Variants in NCOR2 observed in about 807,000 individuals in gnomAD.
The protein encoded by NCOR2 is CTG repeat protein 26.
In NCOR2, 81 loss-of-function variants were observed where a neutral mutation model predicts 262.9. The ratio of observed to expected loss-of-function variants is 0.31; its 90% confidence interval spans 0.26 to 0.37. The LOEUF is 0.37. Among genes scored for constraint, NCOR2 ranks in the 10% least tolerant of loss-of-function variants. The pLI is 1.00. For synonymous variants in NCOR2, 1,659 were observed against 1,559.3 expected (o/e 1.06, Z -1.51); for missense variants, 3,385 against 3,621.4 (o/e 0.93, Z 1.68).
chr12:124,387,339 C>T (rs983790657), intron 16 of NCOR2, among the ~76,000 whole-genome samples: 11 of 151,920 alleles, frequency 7.2e-5, no homozygotes, highest in African/African-American at 2.4e-4. Context: ...GCCCGTGGCA[C>T]GGCTAACTGA....
intron 1 of NCOR2, among the ~76,000 whole-genome samples, chr12:124,543,602 C>T (rs117013704): frequency 0.047 from 7,140 of 152,338 alleles, 243 homozygotes; most frequent in Middle Eastern, 0.082. Context: ...CCCCTCTCCT[C>T]GCTGCGGGGT....
chr12:124,437,208 C>T (rs944198108), intron 8 of NCOR2, among the ~76,000 whole-genome samples: 5 of 152,256 alleles, frequency 3.3e-5, no homozygotes, highest in African/African-American at 1.2e-4. Context: ...TTTCCAGCTA[C>T]AGCCATTCCT....
upstream of NCOR2, chr12:124,495,278 T>TGAA (rs779625512): frequency 3.7e-6 from 6 of 1,602,498 alleles, no homozygotes; most frequent in Non-Finnish European, 4.3e-6. The surrounding 1 kb of genome is among the most constrained non-coding windows in gnomAD (Gnocchi z 4.4). Flanking sequence ...GGGGAGCTGC[T>TGAA]CCCAGGCCCC....
At chr12:124,499,759 A>G (rs2048592563), upstream of NCOR2, among the ~76,000 whole-genome samples, 1 of 152,168 alleles carries the variant, frequency 6.6e-6, no homozygotes, top group Non-Finnish European at 1.5e-5. Context: ...TTTTGTTCTC[A>G]GGGCAGTGGG....
intron 38 of NCOR2, 100 bp downstream of exon 40, chr12:124,336,653 C>T: frequency 6.6e-7 from 1 of 1,518,890 alleles, no homozygotes; most frequent in South Asian, 1.3e-5. Flanking sequence ...GCGAGGGGAG[C>T]CGTTGGCCAG....
intron 31 of NCOR2, 72 bp from the exon 34 acceptor site, chr12:124,345,023 A>G (rs780276199): frequency 1.4e-4 from 185 of 1,350,012 alleles, no homozygotes; most frequent in Admixed American, 1.8e-4. Flanking sequence ...CCCCCTTCTG[A>G]GCCTCAAAAA....
exon 13 of NCOR2, chr12:124,419,989 T>G: frequency 6.2e-7 from 1 of 1,614,026 alleles, no homozygotes; most frequent in Non-Finnish European, 8.5e-7. Context: ...TAGCTCCGTC[T>G]CACCAGGCTC....
chr12:124,398,430 G>A (rs956461566), intron 15 of NCOR2, among the ~76,000 whole-genome samples: 5 of 152,212 alleles, frequency 3.3e-5, no homozygotes, highest in Non-Finnish European at 7.3e-5. Context: ...GCCGTTGGTC[G>A]GGGCCAACCT....
chr12:124,425,025 G>A (rs1167363465), intron 11 of NCOR2, among the ~76,000 whole-genome samples: 1 of 152,218 alleles, frequency 6.6e-6, no homozygotes, highest in African/African-American at 2.4e-5. Context: ...GCCACATGCA[G>A]CCCAGGACGG....
chr12:124,449,463 C>T (rs1172424372), intron 7 of NCOR2, among the ~76,000 whole-genome samples: 2 of 152,188 alleles, frequency 1.3e-5, no homozygotes, highest in African/African-American at 2.4e-5. Context: ...CTCCCTGAGC[C>T]GGCTGCCTTC....
rs2052242442 is a variant in NCOR2, at chr12:124,566,469, C to G, written c.-165+839G>C. 6.6e-6 allele frequency among the ~76,000 whole-genome samples: 1 copy of G among 152,214 alleles called. No homozygotes were observed. The highest frequency in any genetic ancestry group is 1.5e-5 in the Non-Finnish European group (1 of 68,024). ...GCCCTCCCGCCCTCGGCTTGCTCCTCCTGCAAGTGTCTGGGGCGGGGAGGG... is the reference window on the plus strand; with the variant it reads ...GCCCTCCCGCCCTCGGCTTGCTCCTGCTGCAAGTGTCTGGGGCGGGGAGGG... On this transcript the variant is annotated intron_variant, in intron 1 of 32. Coordinates refer to the NCOR2 transcript ENST00000458234. This position sits in a 1 kb window ranked among gnomAD's most constrained non-coding sequence, Gnocchi z 4.3.
At chr12:124,330,160 C>T (rs1035982632) in intron 44 of NCOR2, among the ~76,000 whole-genome samples, 2 of 152,238 alleles carry the variant, frequency 1.3e-5, no homozygotes, top group African/African-American at 4.8e-5. Flanking sequence ...CAGGCACCCA[C>T]ACAGAGGCAG....
intron 20 of NCOR2, among the ~76,000 whole-genome samples, chr12:124,369,078 T>C (rs1453275147): frequency 1.3e-5 from 2 of 152,220 alleles, no homozygotes; most frequent in African/African-American, 4.8e-5. Context: ...CGTCATTAAC[T>C]GAGTTATTCT....
At chr12:124,526,982 G>T (rs1179913043) in intron 1 of NCOR2, among the ~76,000 whole-genome samples, 1 of 152,204 alleles carries the variant, frequency 6.6e-6, no homozygotes, top group Non-Finnish European at 1.5e-5. Flanking sequence ...GAAAGAGAAA[G>T]AGAAGATCTG....
intron 37 of NCOR2, among the ~76,000 whole-genome samples, chr12:124,337,489 A>T (rs1388916912): frequency 6.6e-6 from 1 of 152,254 alleles, no homozygotes; most frequent in Admixed American, 6.5e-5. Flanking sequence ...TCTAATTCAG[A>T]AAACAGACTA....
Position 124,409,327 on chromosome 12 carries a change from G to A in NCOR2, c.1483-6766C>T, listed in dbSNP as rs531255334. Among the ~76,000 whole-genome samples, 8 of 152,312 alleles carry A rather than the reference G, an allele frequency of 5.3e-5. No homozygotes were observed. In the East Asian group the frequency reaches 5.8e-4, roughly 11 times the overall value. On this transcript the variant is annotated intron_variant, in intron 13 of 46. Transcript: ENST00000405201. ...CCACCTGTCTCCTGGAAGATGGCCCGCATGTTCCTGCTTCAGGGCCTTTGC... is the reference window on the plus strand; with the variant it reads ...CCACCTGTCTCCTGGAAGATGGCCCACATGTTCCTGCTTCAGGGCCTTTGC...
chr12:124,486,397 G>C (rs1359712876), intron 2 of NCOR2, 44 bp downstream of exon 4: 2 of 1,605,424 alleles, frequency 1.2e-6, no homozygotes, highest in Non-Finnish European at 8.5e-7. Flanking sequence ...ATCTGAGAAG[G>C]AGCTCTCACG....
intron 7 of NCOR2, among the ~76,000 whole-genome samples, chr12:124,448,922 T>C (rs1400803737): frequency 6.6e-6 from 1 of 152,192 alleles, no homozygotes; most frequent in African/African-American, 2.4e-5. Context: ...CCTCTCACCA[T>C]GACGAACCTT....
rs1236779594 is a variant in NCOR2, at chr12:124,503,488, GGATT to G, written c.-117-8124_-117-8121del. Among the ~76,000 whole-genome samples the G allele has an allele frequency of 1.4e-5, 2 of 145,260 alleles. No individual in the cohort carries two copies. The highest frequency in any genetic ancestry group is 2.2e-4 in the South Asian group (1 of 4,532). ...ACTGATGGATGGATGGATGGATGAT[GGATT>G]GATGGATGGATGGATGGATGGACAG... On this transcript the variant is annotated intron_variant, in intron 1 of 46. Transcript: ENST00000404621. This position sits in a 1 kb window ranked among gnomAD's most constrained non-coding sequence, Gnocchi z 4.3.
Sources: allele counts gnomAD v4.1 joint callset (sites outside exome capture counted in the v4.1 genomes callset), GRCh38; gene constraint gnomAD v4.1.1; non-coding constraint Gnocchi (gnomAD v3.1); transcripts MANE v1.5; gene names NCBI Gene and HGNC (gene_info 2026-07-23, HGNC 2026-07-21).